The following ROBO2 variants were observed in gnomAD, a reference collection of about 807,000 sequenced individuals.
ROBO2 encodes the protein roundabout homolog 2.
A neutral mutation model predicts 160.8 loss-of-function variants in ROBO2; 53 were observed. The ratio of observed to expected loss-of-function variants is 0.33; its 90% CI spans 0.26 to 0.41. The LOEUF is 0.41. Among genes scored for constraint, ROBO2 ranks in the 10% least tolerant of loss-of-function variants. The pLI is 1.00. For synonymous variants in ROBO2, 664 were observed against 611.7 expected (o/e 1.09, Z -1.26); for missense variants, 1,577 against 1,722.4 (o/e 0.92, Z 1.49).
intron 2 of ROBO2, among the ~76,000 whole-genome samples, chr3:77,274,398 T>C (rs549512257): frequency 6.6e-6 from 1 of 152,242 alleles, no homozygotes; most frequent in Non-Finnish European, 1.5e-5. Context: ...GTACATATCG[T>C]AAGAATGTTT....
chr3:76,217,428 A>G (rs1282428389), intron 2 of ROBO2, among the ~76,000 whole-genome samples: 1 of 152,212 alleles, frequency 6.6e-6, no homozygotes, highest in Non-Finnish European at 1.5e-5. Context: ...AGACTAATAA[A>G]GAAGAAAAGA....
At chr3:77,139,246 A>G (rs2076514879) in intron 2 of ROBO2, among the ~76,000 whole-genome samples, 1 of 152,186 alleles carries the variant, frequency 6.6e-6, no homozygotes. Flanking sequence ...GAAAAATTTT[A>G]TTTTATACAA....
chr3:77,521,399 A>G (rs1162323243), intron 5 of ROBO2, among the ~76,000 whole-genome samples: 1 of 151,314 alleles, frequency 6.6e-6, no homozygotes, highest in African/African-American at 2.4e-5. Context: ...AAAATAGATA[A>G]CAATACAAAA....
chr3:76,325,034 G>C (rs1259351108), intron 2 of ROBO2, among the ~76,000 whole-genome samples: 1 of 152,212 alleles, frequency 6.6e-6, no homozygotes, highest in Non-Finnish European at 1.5e-5. Context: ...GAACCCGGGA[G>C]GCGGAGCTTG....
chr3:77,009,897 A>C (rs2061776089), intron 2 of ROBO2, among the ~76,000 whole-genome samples: 1 of 144,350 alleles, frequency 6.9e-6, no homozygotes, highest in Admixed American at 7.3e-5. Context: ...AGTGAGCTGA[A>C]GTCGTGCCAC....
intron 2 of ROBO2, among the ~76,000 whole-genome samples, chr3:76,229,282 T>G (rs1308952513): frequency 6.6e-6 from 1 of 152,184 alleles, no homozygotes. Flanking sequence ...TTTGCAATAT[T>G]TTATTGTAAG....
In ROBO2 at chr3:77,593,286, C is replaced by T. The variant is rs991457614; in HGVS notation, c.2684-1856C>T. On this transcript the variant is annotated intron_variant, in intron 17 of 25. Coordinates refer to ENST00000461745, the Ensembl canonical transcript of ROBO2. ...AATTAGCTATACTGTTTTCACATTG[C>T]ATGTGTACTAATCAGGCATTTATTT... 4.6e-5 allele frequency among the ~76,000 whole-genome samples: 7 copies of T among 150,638 alleles called. No homozygotes were observed. In the East Asian group the frequency reaches 1.4e-3, roughly 29 times the overall value.
At chr3:76,883,827 T>A (rs867619768) in intron 2 of ROBO2, among the ~76,000 whole-genome samples, 1 of 152,198 alleles carries the variant, frequency 6.6e-6, no homozygotes, top group Admixed American at 6.5e-5. Flanking sequence ...TCTCAATATA[T>A]CATGAGAGAG....
chr3:77,606,602 G>T (rs1332440231), intron 20 of ROBO2, among the ~76,000 whole-genome samples: 1 of 152,222 alleles, frequency 6.6e-6, no homozygotes, highest in Non-Finnish European at 1.5e-5. Context: ...TGGCAATAAA[G>T]TATATATCCA....
intron 2 of ROBO2, among the ~76,000 whole-genome samples, chr3:76,819,172 G>A (rs536356688): frequency 7.9e-5 from 12 of 152,174 alleles, no homozygotes; most frequent in African/African-American, 2.4e-4. Flanking sequence ...TACACAAAGC[G>A]GAGAGTGCTA....
chr3:76,001,522 GTGTGTGTA>G (rs1224612065), intron 2 of ROBO2, among the ~76,000 whole-genome samples: 37 of 152,100 alleles, frequency 2.4e-4, no homozygotes, highest in East Asian at 5.8e-4. Context: ...ATGTGTGTGT[GTGTGTGTA>G]TGTGTGTATG....
At chr3:77,043,243 A>T (rs1025940819) in intron 1 of ROBO2, among the ~76,000 whole-genome samples, 1 of 152,160 alleles carries the variant, frequency 6.6e-6, no homozygotes, top group East Asian at 1.9e-4. Flanking sequence ...TTCTTCTTAG[A>T]GGTGTGTGCT....
chr3:76,049,965 T>C (rs2067599292), intron 2 of ROBO2, among the ~76,000 whole-genome samples: 1 of 152,124 alleles, frequency 6.6e-6, no homozygotes, highest in Non-Finnish European at 1.5e-5. Context: ...ATTAAATGAG[T>C]GCAGAATGGT....
chr3:76,099,386 T>A (rs2069587568), intron 2 of ROBO2, among the ~76,000 whole-genome samples: 1 of 95,570 alleles, frequency 1.0e-5, no homozygotes, highest in African/African-American at 5.0e-5. Context: ...AGCATAGATC[T>A]GCATTTTGTG....
In ROBO2 at chr3:77,418,151, A is replaced by G. The variant is rs1331565999; in HGVS notation, c.389-59263A>G. Among the ~76,000 whole-genome samples, 6 of 134,124 alleles carry G rather than the reference A, an allele frequency of 4.5e-5. No individual in the cohort carries two copies. In the East Asian group the frequency reaches 1.4e-3, roughly 30 times the overall value. The allele number at this position is 134,124 out of a possible 152,430, so 88.0% of individuals were successfully genotyped here. A position where few individuals can be genotyped will look rare whatever the true frequency, so the allele number is the denominator to read the frequency against. On this transcript the variant is annotated intron_variant, in intron 2 of 25. Transcript: ENST00000461745. ...TAACATCCTTATATTTTTTTTACCT[A>G]CAGAAAAGTATGTGAAAAAGTCACA...
rs114687738 is a variant in ROBO2, at chr3:76,761,627, C to T, written c.110-336387C>T. Among the ~76,000 whole-genome samples the T allele has an allele frequency of 4.1e-3, 628 of 151,778 alleles. 3 individuals carry two copies. The highest frequency in any genetic ancestry group is 0.014 in the African/African-American group (581 of 41,462). ...ATCTAGACTTTTGGTGTTATGTCTT[C>T]TCACCTAAATGAGTAATACTCTTAA... On this transcript the variant is annotated intron_variant, in intron 2 of 26. Transcript: ENST00000487694.
chr3:75,941,852 G>A (rs1948069547), intron 2 of ROBO2, among the ~76,000 whole-genome samples: 1 of 152,056 alleles, frequency 6.6e-6, no homozygotes, highest in Non-Finnish European at 1.5e-5. Flanking sequence ...ATCATTACAA[G>A]TAATTATATG....
intron 2 of ROBO2, among the ~76,000 whole-genome samples, chr3:75,947,990 G>A (rs1948383403): frequency 2.6e-5 from 4 of 151,874 alleles, no homozygotes; most frequent in Non-Finnish European, 4.4e-5. Context: ...CATCTGATGG[G>A]AAAAAATCTG....
chr3:77,544,205 T>G lies in ROBO2; in HGVS notation c.935-2133T>G, dbSNP rs1376479056. The stretch of plus-strand genomic sequence containing the variant: ...TTTTAAGAGTTTTCTCTAAAATAAT[T>G]TTTTAACATTGATTTACACCATCAT... On this transcript the variant is annotated intron_variant, in intron 6 of 25. Transcript: ENST00000461745. Among the ~76,000 whole-genome samples, 3 of 152,204 alleles carry G rather than the reference T, an allele frequency of 2.0e-5. No individual in the cohort carries two copies. The East Asian group carries it at 5.8e-4, about 29-fold the overall frequency.
Sources: gnomAD v4.1 joint callset for allele counts (sites outside exome capture counted in the v4.1 genomes callset) on GRCh38, gnomAD v4.1.1 for gene constraint, MANE v1.5 for transcripts, NCBI Gene and HGNC (gene_info 2026-07-23, HGNC 2026-07-21) for gene names.